Variants in CCDC7 observed in about 807,000 individuals in gnomAD.
CCDC7 encodes coiled-coil domain-containing protein 7.
A neutral mutation model predicts 196.9 loss-of-function variants in CCDC7; 183 were observed. That is an observed-to-expected ratio of 0.93 (90% confidence interval 0.82 to 1.05). The LOEUF is 1.05. CCDC7 is among the 50% of genes least tolerant of loss of function. CCDC7 has a pLI of 0.00. For synonymous variants in CCDC7, 525 were observed against 484.6 expected (o/e 1.08, Z -1.10); for missense variants, 1,540 against 1,482.2 (o/e 1.04, Z -0.64).
At chr10:32,742,446 G>A (rs144505690) in intron 28 of CCDC7, among the ~76,000 whole-genome samples, 2 of 152,238 alleles carry the variant, frequency 1.3e-5, no homozygotes, top group African/African-American at 2.4e-5. Flanking sequence ...TTATAGTATC[G>A]TACAGAATAG....
chr10:32,567,119 G>A (rs7905209), intron 14 of CCDC7, among the ~76,000 whole-genome samples: 19,592 of 138,464 alleles, frequency 0.14, 1,558 homozygotes, highest in African/African-American at 0.23. Flanking sequence ...ATTTAAAAAG[G>A]ATATATCTCA....
At chr10:32,545,939 C>T (rs2052384745) in intron 13 of CCDC7, among the ~76,000 whole-genome samples, 2 of 144,506 alleles carry the variant, frequency 1.4e-5, no homozygotes, top group East Asian at 2.1e-4. Context: ...GATGTAGCCT[C>T]TGGAAAAAAT....
intron 28 of CCDC7, among the ~76,000 whole-genome samples, chr10:32,748,905 T>G (rs1442564238): frequency 6.6e-6 from 1 of 152,154 alleles, no homozygotes; most frequent in Non-Finnish European, 1.5e-5. Context: ...CTTAGGAACA[T>G]AAAGGGATTT....
chr10:32,783,359 A>AT (rs2081339964), intron 29 of CCDC7, among the ~76,000 whole-genome samples: 1 of 152,198 alleles, frequency 6.6e-6, no homozygotes, highest in South Asian at 2.1e-4. Context: ...TTGAATAGAC[A>AT]TTTTTCCAGA....
chr10:32,696,839 A>T (rs916369042), intron 24 of CCDC7, among the ~76,000 whole-genome samples: 7 of 152,258 alleles, frequency 4.6e-5, no homozygotes, highest in Non-Finnish European at 8.8e-5. Flanking sequence ...TGCTTCTTCC[A>T]TGCTGAGGAA....
At position 32,511,261 on chromosome 10, in the gene CCDC7, CG is replaced by C. The variant is rs371884255; in HGVS notation, c.873-6676del. ...TGCCACAGAATTATTCTGTGGGGGG[CG>C]GGGGGGGCGGGGAAATGTACTTTTT... is the stretch of plus-strand genomic sequence containing the variant. On this transcript the variant is annotated intron_variant, in intron 9 of 41. Coordinates refer to ENST00000639629, the Ensembl canonical transcript of CCDC7. The C allele has an allele frequency of 1.9e-4, 73 of 383,228 alleles. 9 individuals are homozygous for C. In the East Asian group the frequency reaches 2.9e-3, roughly 15 times the overall value. 23.7% of individuals were successfully genotyped at this position (383,228 alleles called of 1,614,324 possible).
chr10:32,666,573 G>C (rs10159711), intron 21 of CCDC7, among the ~76,000 whole-genome samples: 15,893 of 141,044 alleles, frequency 0.11, 1,051 homozygotes, highest in South Asian at 0.26. Context: ...TCCCCTTCCT[G>C]TGTCCAAGTG....
At chr10:32,609,836 G>T (rs1769975295) in intron 18 of CCDC7, among the ~76,000 whole-genome samples, 1 of 152,246 alleles carries the variant, frequency 6.6e-6, no homozygotes, top group Non-Finnish European at 1.5e-5. Context: ...CATGTGATGG[G>T]CCTGCTCCAT....
intron 9 of CCDC7, among the ~76,000 whole-genome samples, chr10:32,517,192 T>C (rs186466369): frequency 2.0e-4 from 30 of 152,280 alleles, no homozygotes; most frequent in Middle Eastern, 3.4e-3. Flanking sequence ...AGATACTTAC[T>C]ATTTAGTTCT....
At chr10:32,731,537 CAT>C (rs1301157402) in intron 28 of CCDC7, among the ~76,000 whole-genome samples, 4 of 152,010 alleles carry the variant, frequency 2.6e-5, no homozygotes, top group Non-Finnish European at 5.9e-5. Flanking sequence ...CAATGTGTCA[CAT>C]ATGTTATAAA....
intron 20 of CCDC7, among the ~76,000 whole-genome samples, chr10:32,638,081 G>T (rs1293073612): frequency 6.6e-6 from 1 of 152,146 alleles, no homozygotes; most frequent in South Asian, 2.1e-4. Context: ...CATTGATTTT[G>T]TATCCTGAGA....
In CCDC7 at chr10:32,694,898, C is replaced by CA. The variant is rs1381231649; in HGVS notation, c.2369dup (p.Asn790LysfsTer5). On this transcript the variant is annotated frameshift_variant, in exon 24 of 42. Coordinates refer to ENST00000639629, the Ensembl canonical transcript of CCDC7. LOFTEE classifies it high-confidence loss of function. The stretch of plus-strand genomic sequence containing the variant: ...ATGTAGCTCATGATGAAGAACCAGG[C>CA]AAAAATCTTGTGCTTGAACATCAAG... The CA allele has an allele frequency of 3.8e-6, 6 of 1,595,248 alleles. No homozygotes were observed. The highest frequency in any genetic ancestry group is 1.7e-6 in the Non-Finnish European group (2 of 1,170,756).
At chr10:32,674,941 CCTT>C (rs1433044558) in intron 21 of CCDC7, among the ~76,000 whole-genome samples, 1 of 151,950 alleles carries the variant, frequency 6.6e-6, no homozygotes, top group East Asian at 1.9e-4. Flanking sequence ...CTTTTCCTCT[CCTT>C]CTCTTTTAGT....
chr10:32,880,289 T>A (rs1445305141), downstream of CCDC7, among the ~76,000 whole-genome samples: 1 of 152,202 alleles, frequency 6.6e-6, no homozygotes, highest in Non-Finnish European at 1.5e-5. Flanking sequence ...GATTTGCATT[T>A]CTCTAATGAT....
At chr10:32,762,913 A>G (rs2133895691) in intron 28 of CCDC7, among the ~76,000 whole-genome samples, 1 of 152,074 alleles carries the variant, frequency 6.6e-6, no homozygotes, top group African/African-American at 2.4e-5. Flanking sequence ...AAACTCTTGA[A>G]GAAAACATAA....
chr10:32,640,871 TTTTTC>T (rs147063468), intron 20 of CCDC7, among the ~76,000 whole-genome samples: 35,862 of 114,746 alleles, frequency 0.31, 5,197 homozygotes, highest in Non-Finnish European at 0.44. Context: ...TTTCTTTTTT[TTTTTC>T]TTTTTTTTTT....
chr10:32,869,245 T>C (rs2094331533), intron 41 of CCDC7, among the ~76,000 whole-genome samples: 1 of 152,172 alleles, frequency 6.6e-6, no homozygotes, highest in Non-Finnish European at 1.5e-5. Flanking sequence ...TTCCTGACTT[T>C]TCAATGATCG....
At chr10:32,873,710 G>A (rs866153880) in intron 41 of CCDC7, among the ~76,000 whole-genome samples, 22 of 151,664 alleles carry the variant, frequency 1.5e-4, no homozygotes, top group African/African-American at 5.1e-4. Context: ...TTCTTTTTGT[G>A]GATATATATT....
intron 29 of CCDC7, among the ~76,000 whole-genome samples, chr10:32,783,473 T>C (rs746778030): frequency 1.3e-5 from 2 of 152,166 alleles, no homozygotes; most frequent in African/African-American, 4.8e-5. Flanking sequence ...TTCATAGCCA[T>C]TAAGATGACT....
Sources: allele counts gnomAD v4.1 joint callset (sites outside exome capture counted in the v4.1 genomes callset), GRCh38; gene constraint gnomAD v4.1.1; transcripts MANE v1.5; gene names NCBI Gene and HGNC (gene_info 2026-07-23, HGNC 2026-07-21).